PARD3B: variants seen among roughly 807,000 people sequenced by gnomAD.
The protein encoded by PARD3B is partitioning defective 3 homolog B.
Under a neutral mutation model 130.2 loss-of-function variants are expected in PARD3B, and 103 were observed. The ratio of observed to expected loss-of-function variants is 0.79; its 90% CI spans 0.67 to 0.93. The LOEUF (loss-of-function observed/expected upper bound fraction) is 0.93, where lower values mean the gene tolerates loss of function less well. Ranked by LOEUF, PARD3B falls within the 40% of genes least tolerant of loss-of-function variation. PARD3B has a pLI of 0.00. For missense variants in PARD3B, 1,609 were observed against 1,499.2 expected (o/e 1.07, Z -1.21); for synonymous variants, 583 against 553.2 (o/e 1.05, Z -0.76).
intron 10 of PARD3B, among the ~76,000 whole-genome samples, chr2:205,132,626 A>T (rs1056463260): frequency 1.3e-5 from 2 of 152,180 alleles, no homozygotes; most frequent in Non-Finnish European, 2.9e-5. Flanking sequence ...CGCCCGAATC[A>T]CACAATATTA....
intron 1 of PARD3B, among the ~76,000 whole-genome samples, chr2:204,565,332 G>A (rs1250472184): frequency 6.6e-6 from 1 of 152,126 alleles, no homozygotes; most frequent in East Asian, 1.9e-4. Context: ...TTTCTTAAAG[G>A]TTCATTGCAA....
At chr2:204,774,749 T>C (rs1440782860) in intron 2 of PARD3B, among the ~76,000 whole-genome samples, 2 of 152,154 alleles carry the variant, frequency 1.3e-5, no homozygotes, top group East Asian at 1.9e-4. Flanking sequence ...GAAAATGTTA[T>C]GATTTTATTG....
chr2:205,511,061 A>G (rs1157765570), intron 21 of PARD3B, among the ~76,000 whole-genome samples: 2 of 152,224 alleles, frequency 1.3e-5, no homozygotes, highest in Admixed American at 1.3e-4. Flanking sequence ...GATGTTTGAA[A>G]GAAAGAAAAT....
intron 2 of PARD3B, among the ~76,000 whole-genome samples, chr2:204,872,239 A>C (rs893282825): frequency 1.3e-5 from 2 of 152,106 alleles, no homozygotes; most frequent in South Asian, 2.1e-4. Flanking sequence ...AATTTTATAC[A>C]TACACATTTT....
chr2:204,844,527 G>T (rs2044387331), intron 2 of PARD3B, among the ~76,000 whole-genome samples: 2 of 152,122 alleles, frequency 1.3e-5, no homozygotes, highest in African/African-American at 4.8e-5. Flanking sequence ...TGTCATTTTA[G>T]ATATATTAAG....
intron 19 of PARD3B, among the ~76,000 whole-genome samples, chr2:205,404,199 T>C (rs2046346058): frequency 6.6e-6 from 1 of 152,162 alleles, no homozygotes; most frequent in South Asian, 2.1e-4. Context: ...AGATTGAAAA[T>C]ATTTAGAAAA....
intron 5 of PARD3B, among the ~76,000 whole-genome samples, chr2:205,110,997 T>C (rs1279194261): frequency 6.6e-6 from 1 of 152,182 alleles, no homozygotes; most frequent in Non-Finnish European, 1.5e-5. Flanking sequence ...CACGTATTTC[T>C]AGTACTGAGG....
At chr2:205,419,028 A>G (rs1343006388) in intron 19 of PARD3B, among the ~76,000 whole-genome samples, 1 of 152,184 alleles carries the variant, frequency 6.6e-6, no homozygotes, top group Non-Finnish European at 1.5e-5. Flanking sequence ...GTTACAAACT[A>G]TTCATTTGTA....
intron 4 of PARD3B, among the ~76,000 whole-genome samples, chr2:205,071,748 C>G (rs1433140524): frequency 6.6e-6 from 1 of 152,118 alleles, no homozygotes; most frequent in Non-Finnish European, 1.5e-5. Context: ...CAGAGATACA[C>G]ACATAGTAAT....
At chr2:205,192,404 TGA>T in intron 14 of PARD3B, among the ~76,000 whole-genome samples, 1 of 152,178 alleles carries the variant, frequency 6.6e-6, no homozygotes. Flanking sequence ...TCCAAACAGA[TGA>T]GAGTGCCAAG....
At chr2:204,621,709 C>G (rs974211855) in intron 1 of PARD3B, among the ~76,000 whole-genome samples, 1 of 152,124 alleles carries the variant, frequency 6.6e-6, no homozygotes, top group South Asian at 2.1e-4. Flanking sequence ...GTGGTCTCTG[C>G]CCATTATCTT....
intron 2 of PARD3B, among the ~76,000 whole-genome samples, chr2:204,844,008 C>T (rs765344091): frequency 5.3e-5 from 8 of 151,934 alleles, no homozygotes; most frequent in African/African-American, 1.7e-4. Flanking sequence ...TGATGAAAGC[C>T]GAAATTCCAT....
At position 204,907,503 on chromosome 2, in the gene PARD3B, A is replaced by T. The variant is rs1350019844; in HGVS notation, c.223-57649A>T. On this transcript the variant is annotated intron_variant, in intron 2 of 22. Coordinates refer to ENST00000406610, the MANE Select transcript of PARD3B (RefSeq NM_001302769.2). The surrounding 1 kb of genome is among the most constrained non-coding windows in gnomAD (Gnocchi z 5.7). ...CCCTGCTACTAATGCAGAATAAATT[A>T]TTCTTTTCAGGGAATTTCACTGTGT... 1.3e-5 allele frequency among the ~76,000 whole-genome samples: 2 copies of T among 152,190 alleles called. No individual in the cohort carries two copies. Among genetic ancestry groups the T allele is most frequent in the African/African-American group, 4.8e-5 (2 of 41,450 alleles).
chr2:205,255,331 T>C (rs1411019669), intron 16 of PARD3B, among the ~76,000 whole-genome samples: 1 of 152,134 alleles, frequency 6.6e-6, no homozygotes, highest in Non-Finnish European at 1.5e-5. Context: ...TTTTTTTCTA[T>C]TCTCACACAT....
chr2:205,187,118 A>G lies in PARD3B; in HGVS notation c.2024+1255A>G, dbSNP rs1364631796. Among the ~76,000 whole-genome samples, 2 of 152,216 alleles carry G rather than the reference A, an allele frequency of 1.3e-5. No individual in the cohort carries two copies. The highest frequency in any genetic ancestry group is 4.8e-5 in the African/African-American group (2 of 41,460). On this transcript the variant is annotated intron_variant, in intron 14 of 22. Coordinates refer to ENST00000406610, the MANE Select transcript of PARD3B (RefSeq NM_001302769.2). The surrounding 1 kb of genome is among the most constrained non-coding windows in gnomAD (Gnocchi z 4.9). ...ATAAAATGCTCTGAGCATCTGAGGC[A>G]GAGGAGAATGCCTCCAGATAAAGGA...
chr2:205,177,239 A>C (rs181044226), intron 13 of PARD3B, among the ~76,000 whole-genome samples: 1 of 152,188 alleles, frequency 6.6e-6, no homozygotes, highest in South Asian at 2.1e-4. Flanking sequence ...TGAATTTTTT[A>C]TTACAAAAAC....
chr2:204,800,092 A>C (rs532577358), intron 2 of PARD3B, among the ~76,000 whole-genome samples: 1 of 152,324 alleles, frequency 6.6e-6, no homozygotes, highest in African/African-American at 2.4e-5. Flanking sequence ...CACAGAATTC[A>C]AAATAGCTGT....
intron 18 of PARD3B, among the ~76,000 whole-genome samples, chr2:205,367,179 A>C (rs1214433912): frequency 2.0e-5 from 3 of 152,236 alleles, no homozygotes; most frequent in Non-Finnish European, 4.4e-5. Flanking sequence ...AGGACGATTA[A>C]ATGATTTGTA....
intron 19 of PARD3B, among the ~76,000 whole-genome samples, chr2:205,422,283 CAG>C (rs1449846956): frequency 1.3e-5 from 2 of 152,124 alleles, no homozygotes; most frequent in Non-Finnish European, 2.9e-5. Flanking sequence ...TGGCATAAGC[CAG>C]AGTCACAGAG....
Sources: allele counts gnomAD v4.1 joint callset (sites outside exome capture counted in the v4.1 genomes callset), GRCh38; gene constraint gnomAD v4.1.1; non-coding constraint Gnocchi (gnomAD v3.1); transcripts MANE v1.5; gene names NCBI Gene and HGNC (gene_info 2026-07-23, HGNC 2026-07-21).